Variants in SHISA9 observed in about 807,000 individuals in gnomAD.
SHISA9 encodes protein shisa-9.
Under a neutral mutation model 38.0 loss-of-function variants are expected in SHISA9, and 13 were observed. That is an observed-to-expected ratio of 0.34 (90% CI 0.22 to 0.54). SHISA9 has a LOEUF of 0.54. Among genes scored for constraint, SHISA9 ranks in the 20% least tolerant of loss-of-function variants. The pLI is 0.91. For missense variants in SHISA9, 538 were observed against 575.8 expected, an observed-to-expected ratio of 0.93 and a Z score of 0.67; for synonymous variants, 275 against 242.0, an observed-to-expected ratio of 1.14 and a Z score of -1.27.
At position 13,085,572 on chromosome 16, in the gene SHISA9, G is replaced by A. The variant is rs191455228; in HGVS notation, c.692-117822G>A. ...CAAAGAAGCTATAAGGAAGGTTGTCGCCTGCCCAGGGTTCAAGGCTGATAA... is the reference window on the plus strand; with the variant it reads ...CAAAGAAGCTATAAGGAAGGTTGTCACCTGCCCAGGGTTCAAGGCTGATAA... On this transcript the variant is annotated intron_variant, in intron 2 of 4. Transcript: ENST00000558583. Among the ~76,000 whole-genome samples the A allele has an allele frequency of 3.3e-5, 5 of 152,280 alleles. No homozygotes were observed. In the East Asian group the frequency reaches 7.7e-4, roughly 23 times the overall value.
the SHISA9 span, among the ~76,000 whole-genome samples, chr16:13,479,724 C>A: frequency 6.6e-6 from 1 of 152,170 alleles, no homozygotes; most frequent in African/African-American, 2.4e-5. Flanking sequence ...AGACCAGAGA[C>A]ATGACCAGAA....
intron 2 of SHISA9, among the ~76,000 whole-genome samples, chr16:12,925,060 C>CA (rs150628261): frequency 0.15 from 23,582 of 152,144 alleles, 2,295 homozygotes; most frequent in Non-Finnish European, 0.2. Context: ...GTTGGCTGTT[C>CA]ATTAGGGGAC....
the SHISA9 span, among the ~76,000 whole-genome samples, chr16:13,536,127 T>G: frequency 2.6e-5 from 4 of 152,224 alleles, no homozygotes; most frequent in East Asian, 7.7e-4. Flanking sequence ...GCCTCCCAAG[T>G]AGCTGGTACT....
At chr16:12,924,201 AG>A (rs1267102793) in intron 2 of SHISA9, among the ~76,000 whole-genome samples, 2 of 152,172 alleles carry the variant, frequency 1.3e-5, no homozygotes, top group African/African-American at 4.8e-5. Flanking sequence ...AGGTTCTCCA[AG>A]AAAGGTGTGC....
intron 2 of SHISA9, among the ~76,000 whole-genome samples, chr16:13,120,890 G>T (rs1453345690): frequency 6.6e-6 from 1 of 152,128 alleles, no homozygotes; most frequent in Non-Finnish European, 1.5e-5. Context: ...TGGTCAGGGG[G>T]ATTAAGAACT....
intron 2 of SHISA9, among the ~76,000 whole-genome samples, chr16:13,133,735 T>C (rs567973629): frequency 6.6e-6 from 1 of 152,312 alleles, no homozygotes; most frequent in African/African-American, 2.4e-5. Flanking sequence ...ATGGAAGTAA[T>C]TGGCTTGTTC....
chr16:12,925,479 A>G (rs1235415113), intron 2 of SHISA9, among the ~76,000 whole-genome samples: 1 of 103,862 alleles, frequency 9.6e-6, no homozygotes, highest in Non-Finnish European at 2.4e-5. Context: ...GTGTGCAAGC[A>G]ACAGAGAAAG....
At chr16:13,093,346 C>A (rs1203499579) in intron 2 of SHISA9, among the ~76,000 whole-genome samples, 1 of 152,190 alleles carries the variant, frequency 6.6e-6, no homozygotes, top group African/African-American at 2.4e-5. Context: ...CAGTTGCTGT[C>A]CATCTTTGAG....
At chr16:13,445,056 C>A in the SHISA9 span, among the ~76,000 whole-genome samples, 1 of 141,702 alleles carries the variant, frequency 7.1e-6, no homozygotes. Flanking sequence ...AGACAGGGGT[C>A]TTGTCTTGTT....
chr16:13,391,780 G>A, the SHISA9 span, among the ~76,000 whole-genome samples: 1 of 152,160 alleles, frequency 6.6e-6, no homozygotes, highest in East Asian at 1.9e-4. Flanking sequence ...CAAAGTTTTT[G>A]AACTCTGTAA....
At chr16:13,561,514 G>A in the SHISA9 span, among the ~76,000 whole-genome samples, 1 of 152,342 alleles carries the variant, frequency 6.6e-6, no homozygotes, top group Admixed American at 6.5e-5. Flanking sequence ...GCTGTCAGGA[G>A]GGAGAGGGTT....
intron 2 of SHISA9, among the ~76,000 whole-genome samples, chr16:13,131,189 A>G (rs918935953): frequency 6.6e-6 from 1 of 152,206 alleles, no homozygotes; most frequent in African/African-American, 2.4e-5. Flanking sequence ...CACTATTCAC[A>G]ATAACAAAGA....
chr16:12,909,456 A>C (rs2071150802), intron 1 of SHISA9: 1 of 985,374 alleles, frequency 1.0e-6, no homozygotes, highest in Admixed American at 6.1e-5. Flanking sequence ...GAGGCTTTGA[A>C]GCAAGATACC....
chr16:13,067,087 G>A (rs1055634509), intron 2 of SHISA9, among the ~76,000 whole-genome samples: 1 of 152,200 alleles, frequency 6.6e-6, no homozygotes, highest in African/African-American at 2.4e-5. Context: ...AAGCTTTGAG[G>A]GACACAGGTA....
chr16:13,023,605 A>G (rs1480674810), intron 2 of SHISA9, among the ~76,000 whole-genome samples: 1 of 152,238 alleles, frequency 6.6e-6, no homozygotes, highest in Non-Finnish European at 1.5e-5. Flanking sequence ...ACTGTCTTCC[A>G]CAATGGTTGA....
At chr16:13,280,896 A>G in the SHISA9 span, among the ~76,000 whole-genome samples, 1 of 151,840 alleles carries the variant, frequency 6.6e-6, no homozygotes, top group Admixed American at 6.6e-5. Flanking sequence ...CACTCTGTGC[A>G]GGAAAGAATG....
the SHISA9 span, among the ~76,000 whole-genome samples, chr16:13,319,383 C>T: frequency 1.8e-3 from 274 of 152,282 alleles, 2 homozygotes; most frequent in Middle Eastern, 0.014. Flanking sequence ...GTTTATCCTG[C>T]ACTAGAAGAC....
At chr16:12,944,485 C>CT (rs1277439123) in intron 2 of SHISA9, among the ~76,000 whole-genome samples, 30 of 152,192 alleles carry the variant, frequency 2.0e-4, no homozygotes, top group African/African-American at 7.2e-4. Context: ...GATTATTCTG[C>CT]TTTTTTTGTT....
chr16:13,496,470 T>C, the SHISA9 span, among the ~76,000 whole-genome samples: 1 of 152,022 alleles, frequency 6.6e-6, no homozygotes, highest in Non-Finnish European at 1.5e-5. Flanking sequence ...AAGTCAATGG[T>C]CAACATTATA....
Sources: allele counts gnomAD v4.1 joint callset (sites outside exome capture counted in the v4.1 genomes callset), GRCh38; gene constraint gnomAD v4.1.1; transcripts MANE v1.5; gene names NCBI Gene and HGNC (gene_info 2026-07-23, HGNC 2026-07-21).